DCUN1D4: variants seen among roughly 807,000 people sequenced by gnomAD.
DCUN1D4 encodes the protein defective in cullin neddylation 1 domain containing 4.
Under a neutral mutation model 47.9 loss-of-function variants are expected in DCUN1D4, and 22 were observed. The observed-to-expected ratio is 0.46, with a 90% confidence interval of 0.33 to 0.66. The LOEUF (loss-of-function observed/expected upper bound fraction) is 0.66. Ranked by LOEUF, DCUN1D4 falls within the 30% of genes least tolerant of loss-of-function variation. DCUN1D4 has a pLI of 0.02. For synonymous variants in DCUN1D4, 121 were observed against 112.2 expected, an observed-to-expected ratio of 1.08 and a Z score of -0.50; for missense variants, 301 against 340.8, an observed-to-expected ratio of 0.88 and a Z score of 0.92.
At chr4:51,853,075 T>A (rs1723602901) in intron 1 of DCUN1D4, among the ~76,000 whole-genome samples, 1 of 152,130 alleles carries the variant, frequency 6.6e-6, no homozygotes, top group African/African-American at 2.4e-5. Flanking sequence ...CCATGTCACA[T>A]TGGGAGTGCA....
chr4:51,842,587 A>G (rs1326343987), upstream of DCUN1D4, among the ~76,000 whole-genome samples: 1 of 152,228 alleles, frequency 6.6e-6, no homozygotes, highest in Non-Finnish European at 1.5e-5. Context: ...GCAGCTGACA[A>G]GAGAAGTCCC....
chr4:51,884,778 G>A (rs1450123510), intron 5 of DCUN1D4: 1 of 152,268 alleles, frequency 6.6e-6, no homozygotes, highest in Non-Finnish European at 1.5e-5. Context: ...AGCCTCTGCA[G>A]GTGGGGAGAT....
intron 3 of DCUN1D4, among the ~76,000 whole-genome samples, chr4:51,865,820 T>C (rs1023027737): frequency 3.9e-5 from 6 of 152,172 alleles, no homozygotes; most frequent in Middle Eastern, 6.3e-3. Flanking sequence ...ACAACTTAGA[T>C]GTGCAGCAAG....
At chr4:51,867,959 G>A (rs975272106) in intron 3 of DCUN1D4, among the ~76,000 whole-genome samples, 14 of 152,228 alleles carry the variant, frequency 9.2e-5, no homozygotes, top group African/African-American at 2.4e-4. Context: ...AGCCCCCCTC[G>A]GCTTCCCCCT....
intron 5 of DCUN1D4, among the ~76,000 whole-genome samples, chr4:51,883,751 A>G (rs1729051264): frequency 6.6e-6 from 1 of 152,216 alleles, no homozygotes; most frequent in South Asian, 2.1e-4. Context: ...TATTCCATGC[A>G]TATACAATTC....
intron 1 of DCUN1D4, chr4:51,843,523 A>C (rs1314684413): frequency 5.7e-6 from 7 of 1,222,240 alleles, no homozygotes; most frequent in Non-Finnish European, 7.1e-6. Context: ...GCTCTCTTTC[A>C]GTGTTGGGGG....
At chr4:51,841,238 G>A (rs1423603010), upstream of DCUN1D4, among the ~76,000 whole-genome samples, 4 of 150,584 alleles carry the variant, frequency 2.7e-5, no homozygotes, top group Non-Finnish European at 5.9e-5. Context: ...CATGGTAAAC[G>A]GTAAAAAAAA....
chr4:51,888,362 T>C (rs1163794475), intron 6 of DCUN1D4, among the ~76,000 whole-genome samples: 2 of 152,160 alleles, frequency 1.3e-5, no homozygotes, highest in Non-Finnish European at 2.9e-5. Flanking sequence ...GAGGCACAGC[T>C]CTTCAAGTTT....
chr4:51,901,079 A>T (rs1732027998), intron 8 of DCUN1D4, among the ~76,000 whole-genome samples: 1 of 152,076 alleles, frequency 6.6e-6, no homozygotes, highest in Admixed American at 6.5e-5. Flanking sequence ...CTCTTCTGGT[A>T]GCCTCATGTC....
chr4:51,899,664 T>C (rs894106505), intron 8 of DCUN1D4, among the ~76,000 whole-genome samples: 15 of 152,204 alleles, frequency 9.9e-5, no homozygotes, highest in Non-Finnish European at 7.3e-5. Context: ...AAATGTCTCT[T>C]AGATAAGGTT....
the DCUN1D4 span, among the ~76,000 whole-genome samples, chr4:51,834,103 C>CTTCTTTTTTTTTTTTTTTTTTTTTTTTT: frequency 4.7e-5 from 2 of 42,574 alleles, 1 homozygote; most frequent in Non-Finnish European, 8.2e-5. Flanking sequence ...TTTCTTCTTT[C>CTTCTTTTTTTTTTTTTTTTTTTTTTTTT]TTTTTTTTTT....
At chr4:51,883,781 G>A (rs1335606258) in intron 5 of DCUN1D4, among the ~76,000 whole-genome samples, 19 of 152,108 alleles carry the variant, frequency 1.2e-4, no homozygotes. Flanking sequence ...CTTATTTTGA[G>A]AAGTGTTGTT....
chr4:51,877,251 T>C (rs1169065778), intron 4 of DCUN1D4, among the ~76,000 whole-genome samples: 1 of 152,170 alleles, frequency 6.6e-6, no homozygotes, highest in Admixed American at 6.5e-5. Flanking sequence ...TACATCAAAG[T>C]TTATTTTTTT....
upstream of DCUN1D4, chr4:51,843,002 T>TG (rs1229652006): frequency 2.3e-5 from 30 of 1,291,742 alleles, no homozygotes; most frequent in South Asian, 3.6e-5. Context: ...TATTGGCCAG[T>TG]GGGGGGCGGG....
intron 3 of DCUN1D4, among the ~76,000 whole-genome samples, chr4:51,864,049 G>C (rs1725512926): frequency 6.6e-6 from 1 of 152,206 alleles, no homozygotes; most frequent in African/African-American, 2.4e-5. Context: ...GAGAAATTCA[G>C]CTGAAAAATG....
At chr4:51,857,354 A>G (rs938198285) in intron 1 of DCUN1D4, among the ~76,000 whole-genome samples, 3 of 152,164 alleles carry the variant, frequency 2.0e-5, no homozygotes, top group African/African-American at 4.8e-5. Flanking sequence ...ACTTCTAGTC[A>G]TCTCCATAAA....
At chr4:51,885,089 A>G (rs1182064684) in intron 5 of DCUN1D4, 1 of 152,188 alleles carries the variant, frequency 6.6e-6, no homozygotes, top group African/African-American at 2.4e-5. Flanking sequence ...ACTAGATCAT[A>G]GAGAACCTTA....
At chr4:51,860,510 G>C in intron 1 of DCUN1D4, 1 of 448,314 alleles carries the variant, frequency 2.2e-6, no homozygotes. Context: ...ATTTATAAAA[G>C]AAAAGAGGTT....
intron 1 of DCUN1D4, among the ~76,000 whole-genome samples, chr4:51,849,666 C>G (rs938578766): frequency 6.6e-6 from 1 of 152,100 alleles, no homozygotes; most frequent in African/African-American, 2.4e-5. Context: ...GGCAGGACTC[C>G]CGAACCACAC....
Sources: allele counts gnomAD v4.1 joint callset (sites outside exome capture counted in the v4.1 genomes callset), GRCh38; gene constraint gnomAD v4.1.1; transcripts MANE v1.5; gene names NCBI Gene and HGNC (gene_info 2026-07-23, HGNC 2026-07-21).